Variants in DIAPH2 observed in about 807,000 individuals in gnomAD.
The protein encoded by DIAPH2 is diaphanous related formin 2.
Under a neutral mutation model 92.7 loss-of-function variants are expected in DIAPH2, and 35 were observed. That is an observed-to-expected ratio of 0.38 (90% confidence interval 0.29 to 0.50). DIAPH2 has a LOEUF of 0.50. Ranked by LOEUF, DIAPH2 falls within the 20% of genes least tolerant of loss-of-function variation. DIAPH2 has a pLI of 0.94. For synonymous variants in DIAPH2, 301 were observed against 280.4 expected, an observed-to-expected ratio of 1.07 and a Z score of -0.73; for missense variants, 701 against 819.5, an observed-to-expected ratio of 0.86 and a Z score of 1.77.
intron 26 of DIAPH2, among the ~76,000 whole-genome samples, chrX:97,579,629 T>G (rs1225018820): frequency 9.0e-6 from 1 of 111,061 alleles, no homozygotes; most frequent in East Asian, 2.8e-4. Context: ...TCTTTTGGCT[T>G]AGGATTGTCT....
At chrX:97,377,666 C>T (rs1057332582) in intron 24 of DIAPH2, among the ~76,000 whole-genome samples, 1 of 111,674 alleles carries the variant, frequency 9.0e-6, no homozygotes, top group Non-Finnish European at 1.9e-5. Context: ...TCTCCCAGCC[C>T]TTCAAGGCCA....
At chrX:97,406,651 A>G (rs765076561) in intron 25 of DIAPH2, among the ~76,000 whole-genome samples, 5 of 111,932 alleles carry the variant, frequency 4.5e-5, no homozygotes, top group Non-Finnish European at 9.4e-5. Context: ...TTTCCCCTAT[A>G]CTAAAAATCA....
intron 26 of DIAPH2, among the ~76,000 whole-genome samples, chrX:97,464,322 A>AG (rs1335774823): frequency 2.9e-5 from 3 of 104,691 alleles, no homozygotes; most frequent in Non-Finnish European, 5.9e-5. Flanking sequence ...AAAAAAAAAA[A>AG]AAAAATTAGC....
At chrX:97,482,357 C>G (rs770013627) in intron 26 of DIAPH2, among the ~76,000 whole-genome samples, 1 of 112,336 alleles carries the variant, frequency 8.9e-6, no homozygotes, top group African/African-American at 3.2e-5. Context: ...TTAAACAGCC[C>G]GAATGAATAA....
At chrX:97,543,853 A>G (rs140051704) in intron 26 of DIAPH2, among the ~76,000 whole-genome samples, 1,488 of 111,221 alleles carry the variant, frequency 0.013, 23 homozygotes, top group African/African-American at 0.047. Context: ...CTCCCGGTAC[A>G]GCCTCTATTT....
At chrX:97,076,399 G>A (rs1006416913) in intron 19 of DIAPH2, among the ~76,000 whole-genome samples, 10 of 110,756 alleles carry the variant, frequency 9.0e-5, no homozygotes, top group Non-Finnish European at 1.7e-4. Context: ...GAGTGTGGTG[G>A]TGCGCATCTG....
intron 25 of DIAPH2, among the ~76,000 whole-genome samples, chrX:97,416,439 A>G (rs1019481983): frequency 3.6e-5 from 4 of 112,313 alleles, no homozygotes; most frequent in African/African-American, 9.7e-5. Context: ...ACCTCTTCCA[A>G]AAGGCTGTTC....
At position 97,435,863 on chromosome X, in the gene DIAPH2, G is replaced by A. The variant is rs184464974; in HGVS notation, c.3241+6118G>A. Among the ~76,000 whole-genome samples the A allele has an allele frequency of 8.0e-3, 814 of 101,610 alleles. 8 individuals carry two copies. The highest frequency in any genetic ancestry group is 0.028 in the African/African-American group (759 of 27,304). The allele number at this position is 101,610 out of a possible 115,157, so 88.2% of individuals were successfully genotyped here. A position where few individuals can be genotyped will look rare whatever the true frequency, so the allele number is the denominator to read the frequency against. ...CACTCTGTTGCCCAGGCTGGAGTGC[G>A]GTGGCGCGATCTTGGCTCACTGCAA... On this transcript the variant is annotated intron_variant, in intron 26 of 26. Transcript: ENST00000324765.
At chrX:96,956,717 C>G (rs989078600) in intron 15 of DIAPH2, among the ~76,000 whole-genome samples, 3 of 111,683 alleles carry the variant, frequency 2.7e-5, no homozygotes, top group Non-Finnish European at 5.6e-5. Flanking sequence ...AGTTTCACAT[C>G]TCCATCTGAG....
intron 4 of DIAPH2, among the ~76,000 whole-genome samples, chrX:96,842,534 C>G (rs1024673953): frequency 4.5e-5 from 5 of 112,315 alleles, no homozygotes; most frequent in Non-Finnish European, 9.4e-5. Flanking sequence ...GGAATCCTAA[C>G]TTAGCATTTC....
chrX:97,599,312 A>G lies in DIAPH2; in HGVS notation c.3301A>G (p.Lys1101Glu), dbSNP rs1341706867. 8.5e-7 allele frequency: 1 copy of G among 1,173,637 alleles called. No homozygotes were observed. Among genetic ancestry groups the G allele is most frequent in the South Asian group, 1.8e-5 (1 of 54,600 alleles). The change falls in exon 27 of 27, where the codon AAG (lysine) becomes GAG (glutamate). Residue 1101 changes from lysine to glutamate, a missense_variant. Lys to Glu is a moderately conservative substitution (Grantham distance 56, BLOSUM62 1). Around this residue, in one of 3 missense-constraint regions of DIAPH2, gnomAD observed 536 missense variants for 599.3 expected, o/e 0.89. Transcript: ENST00000324765. The part of the protein sequence containing the change: ...RSRHNGAISS[K>E] Reference sequence around the variant, plus strand: ...TCGCCACAATGGAGCTATCTCATCTAAGTGATTCCTGATGCCAAAGAATAT... The same window carrying G: ...TCGCCACAATGGAGCTATCTCATCTGAGTGATTCCTGATGCCAAAGAATAT...
chrX:97,242,858 C>T (rs1386592254), intron 22 of DIAPH2, among the ~76,000 whole-genome samples: 1 of 110,012 alleles, frequency 9.1e-6, no homozygotes, highest in Non-Finnish European at 1.9e-5. Flanking sequence ...GGGATCTCAG[C>T]TCACTACAAG....
chrX:97,067,074 T>A (rs1032061865), intron 17 of DIAPH2, among the ~76,000 whole-genome samples: 2 of 111,218 alleles, frequency 1.8e-5, no homozygotes, highest in Non-Finnish European at 3.8e-5. Flanking sequence ...AGGGGAAGCT[T>A]CGCAGCTGTA....
chrX:96,852,097 T>C (rs2065009975), intron 4 of DIAPH2, among the ~76,000 whole-genome samples: 1 of 112,430 alleles, frequency 8.9e-6, no homozygotes, highest in Admixed American at 9.5e-5. Context: ...CCATTTTATA[T>C]TTTCAACTTG....
At chrX:97,501,791 ATTTAT>A (rs1345528945) in intron 26 of DIAPH2, among the ~76,000 whole-genome samples, 44 of 111,608 alleles carry the variant, frequency 3.9e-4, no homozygotes, top group African/African-American at 1.4e-3. Context: ...ATATTTTCTA[ATTTAT>A]TTTATTTTAT....
intron 26 of DIAPH2, among the ~76,000 whole-genome samples, chrX:97,542,976 A>G (rs1370903413): frequency 8.9e-6 from 1 of 112,333 alleles, no homozygotes; most frequent in Non-Finnish European, 1.9e-5. Flanking sequence ...TTATTCTCAG[A>G]AAGTATATTC....
At chrX:96,865,468 A>C (rs2065098838) in intron 4 of DIAPH2, among the ~76,000 whole-genome samples, 1 of 112,167 alleles carries the variant, frequency 8.9e-6, no homozygotes, top group African/African-American at 3.2e-5. Context: ...AAAGAAGAAC[A>C]CATGCAAAGG....
At chrX:96,911,906 C>G (rs1295900448) in intron 5 of DIAPH2, among the ~76,000 whole-genome samples, 5 of 111,264 alleles carry the variant, frequency 4.5e-5, no homozygotes, top group Non-Finnish European at 9.4e-5. Flanking sequence ...AGAATAAATG[C>G]AAAGGTGAAA....
chrX:97,332,493 A>T (rs2147668785), intron 23 of DIAPH2, among the ~76,000 whole-genome samples: 1 of 112,309 alleles, frequency 8.9e-6, no homozygotes, highest in African/African-American at 3.2e-5. Flanking sequence ...GTGGAAAAGC[A>T]GTATCAGCTG....
Sources: gnomAD v4.1 joint callset for allele counts (sites outside exome capture counted in the v4.1 genomes callset) on GRCh38, gnomAD v4.1.1 for gene constraint, gnomAD v4.1.1 regional missense constraint, MANE v1.5 for transcripts, NCBI Gene and HGNC (gene_info 2026-07-23, HGNC 2026-07-21) for gene names.